Variants in CES5A observed in about 807,000 individuals in gnomAD.
CES5A encodes carboxylesterase 5.
In CES5A, 67 loss-of-function variants were observed where a neutral mutation model predicts 62.9. The ratio of observed to expected loss-of-function variants is 1.07; its 90% CI spans 0.88 to 1.31. The LOEUF is 1.31. Ranked by LOEUF, CES5A falls within the 50% of genes most tolerant of loss-of-function variation. The pLI is 0.00. For missense variants in CES5A, 748 were observed against 708.5 expected (o/e 1.06, Z -0.63); for synonymous variants, 296 against 280.8 (o/e 1.05, Z -0.54).
chr16:55,932,749 G>A (rs1170664129), intron 2 of CES5A, among the ~76,000 whole-genome samples: 1 of 152,196 alleles, frequency 6.6e-6, no homozygotes, highest in Non-Finnish European at 1.5e-5. Context: ...AAGCAGCTCA[G>A]TGAGCTAGGG....
intron 1 of CES5A, among the ~76,000 whole-genome samples, chr16:55,914,747 G>T (rs2034128970): frequency 6.6e-6 from 1 of 152,180 alleles, no homozygotes; most frequent in South Asian, 2.1e-4. Flanking sequence ...ATCCCAAAGG[G>T]CTGCTTTAGA....
upstream of CES5A, among the ~76,000 whole-genome samples, chr16:55,926,843 C>T (rs1409935366): frequency 6.6e-6 from 1 of 152,214 alleles, no homozygotes; most frequent in East Asian, 1.9e-4. Context: ...GACCTTTGCT[C>T]TTGCCCAGTC....
upstream of CES5A, among the ~76,000 whole-genome samples, chr16:55,878,872 A>G (rs2033728881): frequency 7.4e-6 from 1 of 134,904 alleles, no homozygotes; most frequent in African/African-American, 2.9e-5. Context: ...GCATCCCACC[A>G]CTGCACCCCC....
chr16:55,853,314 C>G (rs2033168517), intron 9 of CES5A, among the ~76,000 whole-genome samples: 1 of 152,242 alleles, frequency 6.6e-6, no homozygotes, highest in Non-Finnish European at 1.5e-5. Flanking sequence ...TCTCTCATGT[C>G]TCAGAATGAG....
chr16:55,859,615 T>C lies in CES5A; in HGVS notation c.988A>G (p.Lys330Glu), dbSNP rs1208434787. 1.9e-6 allele frequency: 3 copies of C among 1,613,676 alleles called. No individual in the cohort carries two copies. Among genetic ancestry groups the C allele is most frequent in the Non-Finnish European group, 2.5e-6 (3 of 1,179,880 alleles). ...PNEPLDLLSQ[K>E]AFKAIPSIIG... Reference sequence around the variant, plus strand: ...ATGGAAGGAATTGCTTTAAATGCTTTCTGAGACAATAGATCTAGAGGCTCA... The same window carrying C: ...ATGGAAGGAATTGCTTTAAATGCTTCCTGAGACAATAGATCTAGAGGCTCA... Residue 330 changes from lysine to glutamate, a missense_variant, in exon 8 of 13, where the codon AAA (lysine) becomes GAA (glutamate). Coordinates refer to ENST00000290567, the MANE Select transcript of CES5A (RefSeq NM_001143685.2).
chr16:55,867,425 C>T (rs1173325603), intron 4 of CES5A, among the ~76,000 whole-genome samples: 13 of 152,102 alleles, frequency 8.5e-5, no homozygotes, highest in African/African-American at 3.1e-4. Context: ...ATGTCTAGAC[C>T]GAAAGCATGC....
chr16:55,868,785 A>G (rs2033522113), intron 4 of CES5A, among the ~76,000 whole-genome samples: 1 of 152,176 alleles, frequency 6.6e-6, no homozygotes, highest in African/African-American at 2.4e-5. Flanking sequence ...TGTCTTAGAC[A>G]GGATAATAGA....
chr16:55,863,429 GC>G lies in CES5A; in HGVS notation c.728del (p.Gly243AlafsTer47), dbSNP rs1242656526. 14 of 1,603,826 alleles carry G rather than the reference GC, an allele frequency of 8.7e-6. No homozygotes were observed. Among genetic ancestry groups the G allele is most frequent in the African/African-American group, 1.3e-5 (1 of 74,702 alleles). ...SSLILSPMAK[G>X]LFHKAIMESG... Reference sequence around the variant, plus strand: ...TCTCCATGATGGCTTTGTGGAATAAGCCTTTGGCCATGGGAGACAGTATCTG... The same window carrying G: ...TCTCCATGATGGCTTTGTGGAATAAGCTTTGGCCATGGGAGACAGTATCTG... On this transcript the variant is annotated frameshift_variant, in exon 6 of 13. Coordinates refer to ENST00000290567, the MANE Select transcript of CES5A (RefSeq NM_001143685.2). LOFTEE classifies it high-confidence loss of function.
chr16:55,955,895 C>G, exon 1 of CES5A: 7 of 1,536,044 alleles, frequency 4.6e-6, no homozygotes, highest in Non-Finnish European at 6.1e-6. Context: ...TCAGACTTGC[C>G]CTTGGTCCTA....
At chr16:55,876,822 G>A (rs552253366), upstream of CES5A, among the ~76,000 whole-genome samples, 16 of 152,262 alleles carry the variant, frequency 1.1e-4, no homozygotes, top group African/African-American at 2.9e-4. Flanking sequence ...GTGTGGCTTC[G>A]AAGAAAACTT....
chr16:55,891,806 G>A (rs573153162), intron 1 of CES5A, among the ~76,000 whole-genome samples: 2 of 152,164 alleles, frequency 1.3e-5, no homozygotes, highest in South Asian at 4.2e-4. Context: ...TCATCAGATG[G>A]GTTTTATTTA....
chr16:55,851,771 A>C (rs1202925132), intron 10 of CES5A, among the ~76,000 whole-genome samples: 2 of 152,368 alleles, frequency 1.3e-5, no homozygotes, highest in East Asian at 1.9e-4. Context: ...CAATAGCTGA[A>C]TGGTGGAAAC....
rs1246012355 is a variant in CES5A at position 55,862,525 on chromosome 16, A to G, written c.810+823T>C. Among the ~76,000 whole-genome samples, 7 of 152,234 alleles carry G rather than the reference A, an allele frequency of 4.6e-5. No homozygotes were observed. The East Asian group carries it at 1.3e-3, about 29-fold the overall frequency. On this transcript the variant is annotated intron_variant, in intron 6 of 12. Transcript: ENST00000290567. The stretch of plus-strand genomic sequence containing the variant: ...GGCACTCAGTGATGTGTGTCAAATG[A>G]ATAAATATATGCCCAAACTGAAAAT...
intron 1 of CES5A, among the ~76,000 whole-genome samples, chr16:55,922,721 A>C (rs1451744010): frequency 6.6e-6 from 1 of 151,968 alleles, no homozygotes; most frequent in African/African-American, 2.4e-5. Context: ...CATTTCACTT[A>C]ACTGCTGCAG....
intron 1 of CES5A, among the ~76,000 whole-genome samples, chr16:55,891,385 C>G (rs1351592965): frequency 2.6e-5 from 4 of 152,148 alleles, no homozygotes; most frequent in African/African-American, 9.7e-5. Context: ...TTTGCAGCAC[C>G]AAAACTTTAT....
intron 1 of CES5A, among the ~76,000 whole-genome samples, chr16:55,898,286 C>G (rs2033954578): frequency 6.6e-6 from 1 of 152,180 alleles, no homozygotes. Context: ...TCAAGAAACT[C>G]TGAAACGTGG....
At chr16:55,932,861 G>A (rs2034329079) in intron 2 of CES5A, among the ~76,000 whole-genome samples, 1 of 152,220 alleles carries the variant, frequency 6.6e-6, no homozygotes, top group South Asian at 2.1e-4. Context: ...TCTGGCTGCT[G>A]CGTAAAGAAT....
chr16:55,881,813 T>C (rs573794597), intron 1 of CES5A, among the ~76,000 whole-genome samples: 6 of 152,244 alleles, frequency 3.9e-5, no homozygotes, highest in Admixed American at 6.5e-5. Context: ...TTAGCTACCA[T>C]AGAAATGGGA....
At position 55,850,573 on chromosome 16, in the gene CES5A, G is replaced by A. The variant is rs529344835; in HGVS notation, c.1274-800C>T. On this transcript the variant is annotated intron_variant, in intron 10 of 12. Coordinates refer to ENST00000290567, the MANE Select transcript of CES5A (RefSeq NM_001143685.2). Reference sequence around the variant, plus strand: ...CGTCCGTATTTCATTTCTTTTTATGGCAAAATGATAATCCATTGTAAGTAT... The same window carrying A: ...CGTCCGTATTTCATTTCTTTTTATGACAAAATGATAATCCATTGTAAGTAT... Among the ~76,000 whole-genome samples, 8 of 152,202 alleles carry A rather than the reference G, an allele frequency of 5.3e-5. No homozygotes were observed. In the South Asian group the frequency reaches 1.2e-3, roughly 24 times the overall value.
Sources: allele counts gnomAD v4.1 joint callset (sites outside exome capture counted in the v4.1 genomes callset), GRCh38; gene constraint gnomAD v4.1.1; transcripts MANE v1.5; gene names NCBI Gene and HGNC (gene_info 2026-07-23, HGNC 2026-07-21).